Variants in PTK2B observed in about 807,000 individuals in gnomAD.
PTK2B encodes protein tyrosine kinase 2 beta, also known as protein-tyrosine kinase 2-beta.
A neutral mutation model predicts 142.9 loss-of-function variants in PTK2B; 71 were observed. The ratio of observed to expected loss-of-function variants is 0.50; its 90% CI spans 0.41 to 0.61. PTK2B has a LOEUF of 0.61. Among genes scored for constraint, PTK2B ranks in the 20% least tolerant of loss-of-function variants. PTK2B has a pLI of 0.00. For missense variants in PTK2B, 1,105 were observed against 1,320.4 expected, an observed-to-expected ratio of 0.84 and a Z score of 2.53; for synonymous variants, 519 against 503.4, an observed-to-expected ratio of 1.03 and a Z score of -0.42.
At chr8:27,372,520 G>C (rs11996211) in intron 1 of PTK2B, among the ~76,000 whole-genome samples, 2 of 152,102 alleles carry the variant, frequency 1.3e-5, no homozygotes, top group Non-Finnish European at 2.9e-5. Context: ...GCCCATTCTC[G>C]TTAGGGAGGT....
chr8:27,356,751 G>A (rs775339122), intron 1 of PTK2B, among the ~76,000 whole-genome samples: 3 of 152,218 alleles, frequency 2.0e-5, no homozygotes, highest in Admixed American at 6.5e-5. Flanking sequence ...CTATTGACAC[G>A]GGCAACGACC....
At chr8:27,382,990 C>A (rs1439273452) in intron 1 of PTK2B, among the ~76,000 whole-genome samples, 2 of 152,058 alleles carry the variant, frequency 1.3e-5, no homozygotes. Context: ...TAGTGTGATG[C>A]CTCCAGCTTT....
chr8:27,348,674 A>G (rs551072046), intron 1 of PTK2B, among the ~76,000 whole-genome samples: 75 of 152,220 alleles, frequency 4.9e-4, no homozygotes, highest in African/African-American at 1.6e-3. Flanking sequence ...CCGGGGGCCC[A>G]AATTGGTTGT....
At chr8:27,355,975 A>G (rs1805369180) in intron 1 of PTK2B, among the ~76,000 whole-genome samples, 1 of 151,786 alleles carries the variant, frequency 6.6e-6, no homozygotes, top group South Asian at 2.1e-4. Context: ...GTGAGCCAAG[A>G]TCATGCCATT....
intron 3 of PTK2B, 120 bp downstream of exon 3, chr8:27,420,193 G>A: frequency 8.5e-7 from 1 of 1,182,752 alleles, no homozygotes; most frequent in Non-Finnish European, 1.2e-6. Context: ...AACCTGAGTG[G>A]CATTCTAGGC....
chr8:27,382,399 A>G (rs894065514), intron 1 of PTK2B, among the ~76,000 whole-genome samples: 5 of 152,172 alleles, frequency 3.3e-5, no homozygotes, highest in South Asian at 4.1e-4. Flanking sequence ...CTCCCATTCT[A>G]CAGGTTGCCT....
intron 23 of PTK2B, among the ~76,000 whole-genome samples, chr8:27,444,843 C>A (rs1270172284): frequency 6.6e-6 from 1 of 152,146 alleles, no homozygotes; most frequent in Admixed American, 6.5e-5. Context: ...CAGCTCAGAG[C>A]CACTGCTCAA....
At chr8:27,318,222 C>T (rs1055468088) in intron 3 of PTK2B, among the ~76,000 whole-genome samples, 23 of 152,204 alleles carry the variant, frequency 1.5e-4, no homozygotes, top group African/African-American at 5.5e-4. Context: ...TTGTTCCTAA[C>T]AATGCATTTG....
At chr8:27,328,473 C>T (rs1357287309) in intron 1 of PTK2B, among the ~76,000 whole-genome samples, 1 of 152,180 alleles carries the variant, frequency 6.6e-6, no homozygotes, top group African/African-American at 2.4e-5. Flanking sequence ...AAGTGTGTTT[C>T]CCTTGTGGGA....
At chr8:27,370,042 G>A (rs965385295) in intron 1 of PTK2B, among the ~76,000 whole-genome samples, 4 of 152,202 alleles carry the variant, frequency 2.6e-5, no homozygotes, top group South Asian at 2.1e-4. Context: ...CTTCAATGAG[G>A]CAACTGAGGT....
chr8:27,422,167 G>C, intron 4 of PTK2B, 137 bp from the exon 5 acceptor site: 1 of 773,588 alleles, frequency 1.3e-6, no homozygotes, highest in South Asian at 2.0e-5. Context: ...CTCCATCCCT[G>C]CTCCATGCTT....
At chr8:27,331,055 A>T (rs1347989197) in intron 1 of PTK2B, among the ~76,000 whole-genome samples, 6 of 152,138 alleles carry the variant, frequency 3.9e-5, no homozygotes, top group African/African-American at 1.4e-4. Context: ...TTATGTTCTG[A>T]AATCCACCCA....
At chr8:27,431,591 C>A in intron 9 of PTK2B, 119 bp downstream of exon 9, 2 of 1,327,274 alleles carry the variant, frequency 1.5e-6, no homozygotes, top group South Asian at 1.3e-5. Flanking sequence ...AAGCAGAGTT[C>A]TTCTAAGGCC....
chr8:27,311,254 G>A (rs546590704), upstream of PTK2B: 9 of 1,485,622 alleles, frequency 6.1e-6, no homozygotes, highest in South Asian at 9.7e-5. Context: ...CAGCCGGCTC[G>A]GGCGCCCGGA....
intron 21 of PTK2B, 92 bp from the exon 22 acceptor site, chr8:27,442,783 C>G: frequency 9.0e-7 from 1 of 1,112,400 alleles, no homozygotes; most frequent in Non-Finnish European, 1.3e-6. Flanking sequence ...TTGCCCAGGC[C>G]TCTCTGGGCC....
Position 27,397,595 on chromosome 8 carries a change from T to C in PTK2B, c.11T>C (p.Val4Ala). ...CTGCTGCCTGAGAGGATGTCTGGGG[T>C]GTCCGAGCCCCTGAGTCGAGTAAAG... MSGVSEPLSRVKLG... is the reference protein window; with the variant it reads MSGASEPLSRVKLG... Residue 4 changes from valine to alanine, a missense_variant, in exon 2 of 31, where the codon GTG (valine) becomes GCG (alanine). Physicochemically the swap from Val to Ala is moderately conservative, Grantham distance 64 (BLOSUM62 0). Coordinates refer to ENST00000346049, the MANE Select transcript of PTK2B (RefSeq NM_173176.3). 1 of 1,613,666 alleles carries C rather than the reference T, an allele frequency of 6.2e-7. No individual in the cohort carries two copies. The highest frequency in any genetic ancestry group is 1.8e-4 in the Middle Eastern group (1 of 5,684).
At chr8:27,347,012 A>T (rs910429047) in intron 1 of PTK2B, among the ~76,000 whole-genome samples, 2 of 152,174 alleles carry the variant, frequency 1.3e-5, no homozygotes, top group South Asian at 4.1e-4. Context: ...TCTTTGCATG[A>T]GGTGGGTTTT....
At chr8:27,449,909 T>C (rs1419213038) in intron 24 of PTK2B, among the ~76,000 whole-genome samples, 1 of 152,258 alleles carries the variant, frequency 6.6e-6, no homozygotes, top group East Asian at 1.9e-4. Context: ...ATCTTCTCTC[T>C]ATCAAACTAT....
chr8:27,393,625 G>A (rs774822848), intron 1 of PTK2B, among the ~76,000 whole-genome samples: 5 of 152,188 alleles, frequency 3.3e-5, no homozygotes, highest in Non-Finnish European at 7.4e-5. Context: ...TGCGGAATGG[G>A]AGGACAACTA....
Sources: allele counts gnomAD v4.1 joint callset (sites outside exome capture counted in the v4.1 genomes callset), GRCh38; gene constraint gnomAD v4.1.1; transcripts MANE v1.5; gene names NCBI Gene and HGNC (gene_info 2026-07-23, HGNC 2026-07-21).